The following KAZN variants were observed in gnomAD, a reference collection of about 807,000 sequenced individuals.
The protein encoded by KAZN is kazrin, periplakin interacting protein, also known as kazrin.
KAZN carries 40 observed loss-of-function variants against 87.4 expected under a neutral mutation model. That is an observed-to-expected ratio of 0.46 (90% confidence interval 0.36 to 0.60). The LOEUF (loss-of-function observed/expected upper bound fraction) is 0.60, where lower values mean the gene tolerates loss of function less well. Among genes scored for constraint, KAZN ranks in the 20% least tolerant of loss-of-function variants. KAZN has a pLI of 0.00. For synonymous variants in KAZN, 466 were observed against 458.3 expected, an observed-to-expected ratio of 1.02 and a Z score of -0.22; for missense variants, 898 against 1,073.9, an observed-to-expected ratio of 0.84 and a Z score of 2.29.
chr1:14,922,233 T>C (rs1369693548), intron 1 of KAZN, among the ~76,000 whole-genome samples: 1 of 152,144 alleles, frequency 6.6e-6, no homozygotes, highest in Non-Finnish European at 1.5e-5. Context: ...CCCAGCTCAC[T>C]CATTTATGTT....
intron 1 of KAZN, among the ~76,000 whole-genome samples, chr1:14,115,875 T>A (rs1463326373): frequency 6.6e-6 from 1 of 152,142 alleles, no homozygotes; most frequent in Non-Finnish European, 1.5e-5. Flanking sequence ...ATAAGGACCT[T>A]CTTGGGAACT....
At chr1:15,091,556 T>C (rs958043374) in intron 8 of KAZN, among the ~76,000 whole-genome samples, 8 of 152,202 alleles carry the variant, frequency 5.3e-5, no homozygotes, top group African/African-American at 9.7e-5. Flanking sequence ...TTCACCGTGT[T>C]AGCCAGGACG....
chr1:14,006,849 T>C (rs1640060827), intron 1 of KAZN, among the ~76,000 whole-genome samples: 1 of 152,216 alleles, frequency 6.6e-6, no homozygotes. Flanking sequence ...TTAGAATTTC[T>C]TTTTCTGTTT....
chr1:14,493,736 A>G (rs1669801120), intron 2 of KAZN, among the ~76,000 whole-genome samples: 1 of 152,102 alleles, frequency 6.6e-6, no homozygotes, highest in East Asian at 1.9e-4. Flanking sequence ...GTCTGATTTC[A>G]TTATAGATTT....
chr1:14,576,268 A>AAGT (rs1675171852), intron 2 of KAZN, among the ~76,000 whole-genome samples: 2 of 152,198 alleles, frequency 1.3e-5, no homozygotes, highest in South Asian at 4.1e-4. Flanking sequence ...CAAAGTAAAC[A>AAGT]CTCAGTAAAC....
chr1:14,109,027 C>G (rs1176917363), intron 1 of KAZN, among the ~76,000 whole-genome samples: 1 of 152,164 alleles, frequency 6.6e-6, no homozygotes, highest in Non-Finnish European at 1.5e-5. Flanking sequence ...GCAATGTGGC[C>G]GAGCTCGCAT....
chr1:14,294,303 C>G (rs1653948240), intron 2 of KAZN, among the ~76,000 whole-genome samples: 4 of 152,116 alleles, frequency 2.6e-5, no homozygotes, highest in Admixed American at 1.3e-4. Flanking sequence ...ACCTGCTTTT[C>G]CCTACTCACC....
In KAZN at chr1:14,080,750, G is replaced by A. The variant is rs114041491; in HGVS notation, c.92-99685G>A. Among the ~76,000 whole-genome samples the A allele has an allele frequency of 5.3e-3, 804 of 152,250 alleles. 13 individuals are homozygous for A. The highest frequency in any genetic ancestry group is 0.018 in the African/African-American group (762 of 41,546). On this transcript the variant is annotated intron_variant, in intron 1 of 16. Coordinates refer to the KAZN transcript ENST00000636203. ...AGCTTTGAGTATTGTGTATCTGCTC[G>A]GAATATAGGCCCAGCACATAGCCAG...
At chr1:14,449,833 A>C (rs1220498354) in intron 2 of KAZN, among the ~76,000 whole-genome samples, 1 of 152,146 alleles carries the variant, frequency 6.6e-6, no homozygotes, top group Non-Finnish European at 1.5e-5. Context: ...CCCTGACTTC[A>C]TCTCGGTTAT....
chr1:14,190,300 G>A (rs1431160054), intron 2 of KAZN, among the ~76,000 whole-genome samples: 1 of 152,090 alleles, frequency 6.6e-6, no homozygotes, highest in African/African-American at 2.4e-5. Context: ...CTTACTAGAC[G>A]CCAAACACTC....
intron 1 of KAZN, among the ~76,000 whole-genome samples, chr1:14,036,811 G>A (rs542905343): frequency 1.4e-3 from 209 of 151,486 alleles, no homozygotes; most frequent in South Asian, 2.7e-3. Context: ...ATGGAGTCTC[G>A]CTCTGTCGCC....
intron 1 of KAZN, among the ~76,000 whole-genome samples, chr1:14,724,028 G>GCATTCA (rs1643256266): frequency 6.6e-6 from 1 of 152,040 alleles, no homozygotes; most frequent in Non-Finnish European, 1.5e-5. Flanking sequence ...TTCTGCATTC[G>GCATTCA]TTGATTTATT....
At chr1:14,564,571 C>T (rs373782208) in intron 2 of KAZN, among the ~76,000 whole-genome samples, 3 of 151,518 alleles carry the variant, frequency 2.0e-5, no homozygotes, top group Non-Finnish European at 2.9e-5. Context: ...TTTAGGAGGC[C>T]GAGGTGCGTG....
rs200937986 is a variant in KAZN, at chr1:13,945,710, T to TGA, written c.91+51979_91+51980dup. ...GTGTGTGTGTGTGTGTGTGTGTGTG[T>TGA]GAGAGAGAGAGAGAGAGAGAGAGAG... On this transcript the variant is annotated intron_variant, in intron 1 of 16. Transcript: ENST00000636203. Among the ~76,000 whole-genome samples, 216 of 137,248 alleles carry TGA rather than the reference T, an allele frequency of 1.6e-3. 1 individual carries two copies. The highest frequency in any genetic ancestry group is 3.7e-3 in the Middle Eastern group (1 of 268). The allele number at this position is 137,248 out of a possible 152,430, so 90.0% of individuals were successfully genotyped here.
At chr1:14,603,935 C>A (rs1677163591) in intron 1 of KAZN, among the ~76,000 whole-genome samples, 1 of 152,164 alleles carries the variant, frequency 6.6e-6, no homozygotes. Flanking sequence ...ACATTCACTG[C>A]ATGTTTTCTT....
intron 1 of KAZN, among the ~76,000 whole-genome samples, chr1:14,055,374 G>T (rs1267016968): frequency 6.6e-6 from 1 of 152,234 alleles, no homozygotes; most frequent in Non-Finnish European, 1.5e-5. Context: ...TAGACCCAGA[G>T]TCTGCACTGC....
intron 2 of KAZN, among the ~76,000 whole-genome samples, chr1:14,328,792 A>G (rs1316779419): frequency 2.0e-5 from 3 of 149,962 alleles, no homozygotes; most frequent in Non-Finnish European, 4.4e-5. Context: ...TTCTATGTAC[A>G]CATGGGTGGA....
At chr1:14,982,154 G>T (rs949730039) in intron 2 of KAZN, among the ~76,000 whole-genome samples, 5 of 152,152 alleles carry the variant, frequency 3.3e-5, no homozygotes, top group African/African-American at 1.2e-4. Context: ...TGAGGCTCAG[G>T]GCTGGAAGGA....
At chr1:14,370,195 G>A (rs527953863) in intron 2 of KAZN, among the ~76,000 whole-genome samples, 234 of 152,354 alleles carry the variant, frequency 1.5e-3, no homozygotes, top group Non-Finnish European at 2.7e-3. Flanking sequence ...AGGGAGAGCA[G>A]GGTTGGGAGG....
Sources: allele counts gnomAD v4.1 joint callset (sites outside exome capture counted in the v4.1 genomes callset), GRCh38; gene constraint gnomAD v4.1.1; transcripts MANE v1.5; gene names NCBI Gene and HGNC (gene_info 2026-07-23, HGNC 2026-07-21).